Variants in RBPMS observed in about 807,000 individuals in gnomAD.
RBPMS encodes the protein RNA-binding protein with multiple splicing.
RBPMS carries 7 observed loss-of-function variants against 26.8 expected under a neutral mutation model. The ratio of observed to expected loss-of-function variants is 0.26; its 90% CI spans 0.15 to 0.49. RBPMS has a LOEUF of 0.49. Ranked by LOEUF, RBPMS falls within the 20% of genes least tolerant of loss-of-function variation. The pLI is 0.98. For synonymous variants in RBPMS, 96 were observed against 93.3 expected (o/e 1.03, Z -0.17); for missense variants, 186 against 250.0 (o/e 0.74, Z 1.73).
intron 1 of RBPMS, among the ~76,000 whole-genome samples, chr8:30,430,485 G>A (rs190793357): frequency 1.3e-5 from 2 of 152,274 alleles, no homozygotes; most frequent in East Asian, 3.9e-4. Flanking sequence ...AAAACATCTT[G>A]TACTGAGTTT....
At chr8:30,428,804 C>T (rs529453845) in intron 1 of RBPMS, among the ~76,000 whole-genome samples, 4 of 151,370 alleles carry the variant, frequency 2.6e-5, no homozygotes, top group African/African-American at 9.7e-5. Context: ...GGTAAGAAAA[C>T]TCATGTACAC....
Position 30,501,431 on chromosome 8 carries a change from G to T in RBPMS, c.247-2855G>T, listed in dbSNP as rs115909693. Among the ~76,000 whole-genome samples the T allele has an allele frequency of 3.5e-3, 525 of 151,744 alleles. 6 individuals carry two copies. Among genetic ancestry groups the T allele is most frequent in the African/African-American group, 0.012 (500 of 41,162 alleles). On this transcript the variant is annotated intron_variant, in intron 4 of 8. Coordinates refer to ENST00000397323, the MANE Select transcript of RBPMS (RefSeq NM_001008710.3). ...TGGTATACTTTTAAGTATACTGGAC[G>T]AACAAGAATATGTTGTTTCTCAGCA...
intron 4 of RBPMS, among the ~76,000 whole-genome samples, chr8:30,487,821 A>G (rs4591991): frequency 1.3e-5 from 2 of 152,166 alleles, no homozygotes; most frequent in African/African-American, 4.8e-5. Flanking sequence ...TACACCGTGA[A>G]GTATATTTTT....
intron 1 of RBPMS, among the ~76,000 whole-genome samples, chr8:30,467,936 C>A (rs1816682638): frequency 6.6e-6 from 1 of 152,074 alleles, no homozygotes; most frequent in Admixed American, 6.6e-5. Context: ...ATTCTACCTT[C>A]CTCTCCACTA....
At chr8:30,435,881 C>T (rs1316543447) in intron 1 of RBPMS, among the ~76,000 whole-genome samples, 1 of 152,232 alleles carries the variant, frequency 6.6e-6, no homozygotes, top group Non-Finnish European at 1.5e-5. Context: ...TCATAGCTCA[C>T]TGCAGCCTCC....
chr8:30,431,335 TTTC>T (rs140217272), intron 1 of RBPMS, among the ~76,000 whole-genome samples: 2,222 of 145,210 alleles, frequency 0.015, 67 homozygotes, highest in African/African-American at 0.053. Context: ...TTCTCCTTTC[TTTC>T]TTTTCTTTTT....
intron 7 of RBPMS, among the ~76,000 whole-genome samples, chr8:30,560,276 G>C (rs544773134): frequency 3.3e-5 from 5 of 152,274 alleles, no homozygotes; most frequent in African/African-American, 1.2e-4. Context: ...TTCTCATCAC[G>C]CAGGAGGCCG....
chr8:30,463,006 G>A (rs529781776), intron 1 of RBPMS, among the ~76,000 whole-genome samples: 1 of 152,196 alleles, frequency 6.6e-6, no homozygotes, highest in African/African-American at 2.4e-5. Context: ...TTCCTTTTAG[G>A]ATGCAGACTT....
At chr8:30,501,002 A>G (rs962335482) in intron 4 of RBPMS, among the ~76,000 whole-genome samples, 1 of 152,092 alleles carries the variant, frequency 6.6e-6, no homozygotes, top group Admixed American at 6.6e-5. Context: ...CACAAACAGC[A>G]TCAGCATTAC....
intron 8 of RBPMS, among the ~76,000 whole-genome samples, chr8:30,566,768 AT>A (rs1289062410): frequency 6.6e-6 from 1 of 152,170 alleles, no homozygotes; most frequent in Non-Finnish European, 1.5e-5. Context: ...TAATGTGTAT[AT>A]CCCCCCATCT....
chr8:30,549,583 TTGGTGAGGCTTTCTAGGAGCACC>T, intron 6 of RBPMS: 1 of 1,613,250 alleles, frequency 6.2e-7, no homozygotes, highest in South Asian at 1.1e-5. Context: ...GGTTTCCTGT[TTGGTGAGGCTTTCTAGGAGCACC>T]TGGCTTAGCT....
At chr8:30,561,507 C>T (rs557448505) in intron 7 of RBPMS, among the ~76,000 whole-genome samples, 12 of 152,248 alleles carry the variant, frequency 7.9e-5, no homozygotes, top group South Asian at 4.1e-4. Flanking sequence ...AATTCTGAAG[C>T]GCACAAGAGA....
intron 1 of RBPMS, among the ~76,000 whole-genome samples, chr8:30,443,702 T>C (rs2915601): frequency 0.34 from 51,088 of 151,608 alleles, 9,257 homozygotes; most frequent in African/African-American, 0.46. Flanking sequence ...TCAAGTGATT[T>C]TCCTGCCTCA....
intron 1 of RBPMS, among the ~76,000 whole-genome samples, chr8:30,413,395 T>TTC (rs1202543642): frequency 6.6e-6 from 1 of 151,992 alleles, no homozygotes; most frequent in East Asian, 1.9e-4. Context: ...TGATCCCTAT[T>TTC]TCTCTCTCTG....
chr8:30,536,130 T>C (rs947992310), intron 5 of RBPMS, among the ~76,000 whole-genome samples: 22 of 146,070 alleles, frequency 1.5e-4, no homozygotes, highest in African/African-American at 3.9e-4. Context: ...ATCTCTCTCT[T>C]TTTTTTTTTT....
intron 5 of RBPMS, among the ~76,000 whole-genome samples, chr8:30,511,487 ATATATAT>A (rs1344378137): frequency 1.6e-3 from 20 of 12,692 alleles, no homozygotes; most frequent in African/African-American, 2.7e-3. Flanking sequence ...AAAAAAAAAA[ATATATAT>A]ATATATATAT....
intron 8 of RBPMS, among the ~76,000 whole-genome samples, chr8:30,569,838 AC>A (rs113523883): frequency 1.9e-4 from 29 of 152,288 alleles, no homozygotes; most frequent in African/African-American, 6.7e-4. Flanking sequence ...CAGTAAGCAT[AC>A]TTAAGCGGAT....
intron 1 of RBPMS, among the ~76,000 whole-genome samples, chr8:30,422,987 T>G (rs1160801167): frequency 6.6e-6 from 1 of 152,222 alleles, no homozygotes; most frequent in African/African-American, 2.4e-5. Context: ...AGGTTCATTT[T>G]GTAGCCATCA....
intron 2 of RBPMS, among the ~76,000 whole-genome samples, chr8:30,475,692 A>G (rs1413552198): frequency 2.0e-5 from 3 of 152,224 alleles, no homozygotes; most frequent in African/African-American, 7.2e-5. Flanking sequence ...CTTCTTAGGA[A>G]GACGGAATTG....
Sources: allele counts gnomAD v4.1 joint callset (sites outside exome capture counted in the v4.1 genomes callset), GRCh38; gene constraint gnomAD v4.1.1; transcripts MANE v1.5; gene names NCBI Gene and HGNC (gene_info 2026-07-23, HGNC 2026-07-21).